SETBP1: variants seen among roughly 807,000 people sequenced by gnomAD.
SETBP1 encodes the protein SET binding protein 1, also known as SET-binding protein.
In SETBP1, 9 loss-of-function variants were observed where a neutral mutation model predicts 101.0. That is an observed-to-expected ratio of 0.09 (90% CI 0.05 to 0.16). The LOEUF is 0.16. Ranked by LOEUF, SETBP1 falls within the 10% of genes least tolerant of loss-of-function variation. The pLI, the probability that SETBP1 is intolerant of heterozygous loss-of-function variation, is 1.00. For synonymous variants in SETBP1, 818 were observed against 788.5 expected (o/e 1.04, Z -0.63); for missense variants, 1,858 against 2,033.8 (o/e 0.91, Z 1.66).
At chr18:44,874,929 A>T (rs2069361991) in intron 3 of SETBP1, among the ~76,000 whole-genome samples, 3 of 152,182 alleles carry the variant, frequency 2.0e-5, no homozygotes, top group African/African-American at 7.2e-5. Flanking sequence ...GGCTGTGCTT[A>T]TCTCCCAACA....
chr18:45,053,289 G>A (rs370027748), intron 5 of SETBP1, among the ~76,000 whole-genome samples: 1 of 152,146 alleles, frequency 6.6e-6, no homozygotes, highest in East Asian at 1.9e-4. Context: ...AACTTTAGCA[G>A]ATGATATAAT....
At chr18:44,905,922 G>C (rs1038320337) in intron 3 of SETBP1, among the ~76,000 whole-genome samples, 1 of 152,172 alleles carries the variant, frequency 6.6e-6, no homozygotes, top group Non-Finnish European at 1.5e-5. Flanking sequence ...GCTACCATGA[G>C]CTTTGGCTCA....
intron 2 of SETBP1, among the ~76,000 whole-genome samples, chr18:44,832,626 G>T (rs2072400342): frequency 1.3e-5 from 2 of 152,110 alleles, no homozygotes. Context: ...CCCAAACTCG[G>T]TGCCCTTTGG....
intron 4 of SETBP1, among the ~76,000 whole-genome samples, chr18:45,019,959 C>T (rs898820984): frequency 6.6e-5 from 10 of 152,050 alleles, no homozygotes; most frequent in African/African-American, 2.4e-4. Flanking sequence ...GTTCAAATTC[C>T]TTGTAACATT....
chr18:44,755,378 T>G (rs1355888593), intron 2 of SETBP1, among the ~76,000 whole-genome samples: 2 of 152,074 alleles, frequency 1.3e-5, no homozygotes, highest in Non-Finnish European at 2.9e-5. Flanking sequence ...TCACTGTAAA[T>G]GTGAGGCATC....
At chr18:45,004,922 C>G (rs1599436755) in intron 4 of SETBP1, among the ~76,000 whole-genome samples, 1 of 152,168 alleles carries the variant, frequency 6.6e-6, no homozygotes, top group Admixed American at 6.5e-5. Context: ...ATAAGCTTCT[C>G]CATCATCATG....
intron 2 of SETBP1, among the ~76,000 whole-genome samples, chr18:44,808,917 C>G (rs918022556): frequency 6.6e-6 from 1 of 152,202 alleles, no homozygotes; most frequent in Admixed American, 6.5e-5. Context: ...ACAAATCTCA[C>G]GCAAAGCAGG....
chr18:44,789,508 G>A (rs766995492), intron 2 of SETBP1, among the ~76,000 whole-genome samples: 132 of 152,260 alleles, frequency 8.7e-4, no homozygotes, highest in Non-Finnish European at 1.2e-3. Flanking sequence ...GTGATCATCC[G>A]AGCAGTATGT....
chr18:44,872,985 G>A (rs1166607871), intron 3 of SETBP1, among the ~76,000 whole-genome samples: 1 of 152,208 alleles, frequency 6.6e-6, no homozygotes, highest in Non-Finnish European at 1.5e-5. Flanking sequence ...TCAAGTGTGG[G>A]GCAAGTGTAA....
chr18:44,945,858 G>A (rs1409492350), intron 3 of SETBP1, among the ~76,000 whole-genome samples: 4 of 152,192 alleles, frequency 2.6e-5, no homozygotes, highest in African/African-American at 4.8e-5. Flanking sequence ...AGCCCGATAA[G>A]ATATCATCTC....
chr18:44,854,089 C>T (rs1391555980), intron 2 of SETBP1, among the ~76,000 whole-genome samples: 2 of 152,090 alleles, frequency 1.3e-5, no homozygotes, highest in African/African-American at 2.4e-5. Flanking sequence ...AATGCTGTCT[C>T]CCCTAATAGA....
chr18:44,767,477 T>C (rs2070783641), intron 2 of SETBP1, among the ~76,000 whole-genome samples: 1 of 152,222 alleles, frequency 6.6e-6, no homozygotes, highest in Non-Finnish European at 1.5e-5. Context: ...AGTTTCTAGT[T>C]CAGCAAAGGA....
intron 2 of SETBP1, among the ~76,000 whole-genome samples, chr18:44,718,358 A>G (rs2852768): frequency 0.16 from 24,786 of 152,146 alleles, 2,054 homozygotes; most frequent in African/African-American, 0.18. Context: ...GCCCAGGGTC[A>G]CCAAAAGCTG....
intron 2 of SETBP1, among the ~76,000 whole-genome samples, chr18:44,718,925 G>A (rs1412945812): frequency 6.6e-6 from 1 of 152,126 alleles, no homozygotes; most frequent in East Asian, 1.9e-4. Context: ...TAATTTGACT[G>A]AGTAATAGGG....
At chr18:44,974,375 A>G (rs1226365174) in intron 4 of SETBP1, among the ~76,000 whole-genome samples, 1 of 152,208 alleles carries the variant, frequency 6.6e-6, no homozygotes, top group Non-Finnish European at 1.5e-5. Flanking sequence ...AAGGTAGCTA[A>G]GTAAGTTTGG....
At chr18:44,686,879 G>A (rs778608734) in intron 1 of SETBP1, among the ~76,000 whole-genome samples, 12 of 152,140 alleles carry the variant, frequency 7.9e-5, no homozygotes, top group Non-Finnish European at 1.5e-4. Flanking sequence ...TTCAGTCACC[G>A]ATTCACTCAT....
At chr18:44,740,946 G>A (rs67792935) in intron 2 of SETBP1, among the ~76,000 whole-genome samples, 30,518 of 152,110 alleles carry the variant, frequency 0.2, 3,222 homozygotes, top group Non-Finnish European at 0.24. Flanking sequence ...CAGTTCTCTC[G>A]GAAATATGGA....
chr18:45,022,043 C>T lies in SETBP1; in HGVS notation c.4001-16442C>T, dbSNP rs537022425. Among the ~76,000 whole-genome samples the T allele has an allele frequency of 2.3e-3, 348 of 152,224 alleles. 1 individual carries two copies. Among genetic ancestry groups the T allele is most frequent in the African/African-American group, 8.0e-3 (332 of 41,526 alleles). On this transcript the variant is annotated intron_variant, in intron 4 of 5. Coordinates refer to ENST00000649279, the MANE Select transcript of SETBP1 (RefSeq NM_015559.3). ...AAAAGTTCAGTTTCTACCCTTGATT[C>T]GAAAGTGTCTTAAAATTGCTTGGCC...
intron 3 of SETBP1, among the ~76,000 whole-genome samples, chr18:44,884,918 A>G (rs2069606718): frequency 6.6e-6 from 1 of 152,214 alleles, no homozygotes. Flanking sequence ...TTACTACGGT[A>G]ATACATAAGT....
Sources: allele counts gnomAD v4.1 joint callset (sites outside exome capture counted in the v4.1 genomes callset), GRCh38; gene constraint gnomAD v4.1.1; transcripts MANE v1.5; gene names NCBI Gene and HGNC (gene_info 2026-07-23, HGNC 2026-07-21).